Variants in MAMLD1 observed in about 807,000 individuals in gnomAD.
MAMLD1 encodes the protein mastermind-like domain-containing protein 1.
In MAMLD1, 14 loss-of-function variants were observed where a neutral mutation model predicts 45.0. That is an observed-to-expected ratio of 0.31 (90% CI 0.21 to 0.49). The LOEUF (loss-of-function observed/expected upper bound fraction) is 0.49, where lower values mean the gene tolerates loss of function less well. MAMLD1 is among the 20% of genes least tolerant of loss of function. The pLI, the probability that MAMLD1 is intolerant of heterozygous loss-of-function variation, is 0.99. For missense variants in MAMLD1, 543 were observed against 603.6 expected (o/e 0.90, Z 1.05); for synonymous variants, 254 against 247.8 (o/e 1.02, Z -0.24).
intron 3 of MAMLD1, among the ~76,000 whole-genome samples, chrX:150,464,879 T>C (rs1342920997): frequency 8.9e-6 from 1 of 112,024 alleles, no homozygotes; most frequent in African/African-American, 3.2e-5. Flanking sequence ...TCATGGAGTA[T>C]GGATGTAAGG....
chrX:150,492,565 C>A (rs2037220254), intron 5 of MAMLD1, among the ~76,000 whole-genome samples: 1 of 111,761 alleles, frequency 8.9e-6, no homozygotes, highest in Non-Finnish European at 1.9e-5. Context: ...AACAAGGTGC[C>A]CTGGACTGAA....
chrX:150,445,481 C>G lies in MAMLD1; in HGVS notation c.-36C>G. On this transcript the variant is annotated 5_prime_UTR_variant, in exon 2 of 8. Coordinates refer to ENST00000370401, the MANE Select transcript of MAMLD1 (RefSeq NM_005491.5). ...CTGTGTCTAGGTCGTTTGGGAAACG[C>G]CTTGGAGAGTCAAGAATAAATTTGC... 9.1e-7 allele frequency: 1 copy of G among 1,103,506 alleles called. No homozygotes were observed. Among genetic ancestry groups the G allele is most frequent in the Non-Finnish European group, 1.3e-6 (1 of 797,402 alleles). 90.9% of individuals were successfully genotyped at this position (1,103,506 alleles called of 1,213,427 possible).
intron 3 of MAMLD1, among the ~76,000 whole-genome samples, chrX:150,464,972 C>A (rs1243901851): frequency 8.9e-6 from 1 of 112,390 alleles, no homozygotes; most frequent in African/African-American, 3.2e-5. Flanking sequence ...ACTAAATAAA[C>A]CACAGGCGAT....
Position 150,513,321 on chromosome X carries a change from G to C in MAMLD1, c.*1362G>C, listed in dbSNP as rs1190891755. ...TATTTATACTTCATTTTGTGACTTTGTAAATAAAGCGACGGCTTTTGTTTC... is the reference window on the plus strand; with the variant it reads ...TATTTATACTTCATTTTGTGACTTTCTAAATAAAGCGACGGCTTTTGTTTC... On this transcript the variant is annotated 3_prime_UTR_variant, in exon 8 of 8. Transcript: ENST00000370401. 5.4e-6 allele frequency: 2 copies of C among 367,915 alleles called. No homozygotes were observed. The highest frequency in any genetic ancestry group is 9.3e-6 in the Non-Finnish European group (2 of 215,462). The allele number at this position is 367,915 out of a possible 1,213,427, so 30.3% of individuals were successfully genotyped here.
At chrX:150,404,900 C>T (rs911536407) in intron 1 of MAMLD1, among the ~76,000 whole-genome samples, 1 of 111,467 alleles carries the variant, frequency 9.0e-6, no homozygotes, top group African/African-American at 3.3e-5. Context: ...TGAATTATAC[C>T]ACAATTTATT....
chrX:150,379,931 A>G (rs191238008), intron 1 of MAMLD1, among the ~76,000 whole-genome samples: 259 of 112,304 alleles, frequency 2.3e-3, no homozygotes, highest in Non-Finnish European at 3.7e-3. Flanking sequence ...CCAACCTCCT[A>G]TGTGTAGCCA....
chrX:150,421,361 G>A (rs1251963039), intron 1 of MAMLD1, among the ~76,000 whole-genome samples: 2 of 112,517 alleles, frequency 1.8e-5, no homozygotes, highest in African/African-American at 6.5e-5. Flanking sequence ...GATGAACCCG[G>A]TACCTCAGAT....
At chrX:150,467,457 T>A (rs1396850381) in intron 3 of MAMLD1, among the ~76,000 whole-genome samples, 1 of 112,179 alleles carries the variant, frequency 8.9e-6, no homozygotes, top group East Asian at 2.8e-4. Context: ...TGGGCACTGA[T>A]GACTGCATGG....
chrX:150,512,172 C>T lies in MAMLD1; in HGVS notation c.*213C>T, dbSNP rs910731734. 1.9e-5 allele frequency: 22 copies of T among 1,144,248 alleles called. No individual in the cohort carries two copies. The highest frequency in any genetic ancestry group is 2.5e-5 in the Non-Finnish European group (22 of 866,498). The allele number at this position is 1,144,248 out of a possible 1,213,427, so 94.3% of individuals were successfully genotyped here. A position where few individuals can be genotyped will look rare whatever the true frequency, so the allele number is the denominator to read the frequency against. On this transcript the variant is annotated 3_prime_UTR_variant, in exon 8 of 8. Transcript: ENST00000370401. ...GAGGGCATGGGAGTGATCTCACCAACTCTGGGGAAGCGGCAAGGAATTTTC... is the reference window on the plus strand; with the variant it reads ...GAGGGCATGGGAGTGATCTCACCAATTCTGGGGAAGCGGCAAGGAATTTTC...
intron 5 of MAMLD1, among the ~76,000 whole-genome samples, chrX:150,502,818 G>A (rs1307455252): frequency 1.8e-5 from 2 of 110,189 alleles, no homozygotes; most frequent in Admixed American, 9.6e-5. Flanking sequence ...CCATTGTGGG[G>A]GGTGGTCACT....
In MAMLD1 at chrX:150,494,171, G is replaced by T. The variant is rs1053546567; in HGVS notation, c.2041-9103G>T. Among the ~76,000 whole-genome samples, 3 of 109,527 alleles carry T rather than the reference G, an allele frequency of 2.7e-5. No individual in the cohort carries two copies. In the East Asian group the frequency reaches 8.8e-4, roughly 32 times the overall value. Reference sequence around the variant, plus strand: ...AGCACTTTGGGAGGCCAAGGAGGGCGGATCACGAGATCAGAAGTTCGAGAC... The same window carrying T: ...AGCACTTTGGGAGGCCAAGGAGGGCTGATCACGAGATCAGAAGTTCGAGAC... On this transcript the variant is annotated intron_variant, in intron 5 of 7. Coordinates refer to ENST00000370401, the MANE Select transcript of MAMLD1 (RefSeq NM_005491.5).
At chrX:150,447,081 T>G (rs2035513948) in intron 2 of MAMLD1, among the ~76,000 whole-genome samples, 1 of 112,476 alleles carries the variant, frequency 8.9e-6, no homozygotes, top group African/African-American at 3.2e-5. Flanking sequence ...CAGTGGGGGT[T>G]GTCCTTAGAA....
chrX:150,370,693 C>G (rs938705739), intron 1 of MAMLD1, among the ~76,000 whole-genome samples: 1 of 111,843 alleles, frequency 8.9e-6, no homozygotes, highest in African/African-American at 3.3e-5. Flanking sequence ...TGCCTCCACC[C>G]CCCCAGCTCT....
At chrX:150,382,901 A>ATTTT (rs1477501446) in intron 1 of MAMLD1, among the ~76,000 whole-genome samples, 3 of 40,117 alleles carry the variant, frequency 7.5e-5, no homozygotes, top group Admixed American at 2.6e-4. Flanking sequence ...TTTTTTTTTT[A>ATTTT]TTTTTTATTT....
intron 1 of MAMLD1, among the ~76,000 whole-genome samples, chrX:150,397,280 T>C (rs1408103507): frequency 8.9e-6 from 1 of 111,953 alleles, no homozygotes; most frequent in Non-Finnish European, 1.9e-5. Context: ...ATTTTAAAAA[T>C]TGAGATTTCA....
At chrX:150,408,058 T>G (rs1159023945) in intron 1 of MAMLD1, among the ~76,000 whole-genome samples, 1 of 111,517 alleles carries the variant, frequency 9.0e-6, no homozygotes, top group African/African-American at 3.3e-5. Context: ...AAGCCAACTG[T>G]TATGTTTTCA....
intron 1 of MAMLD1, among the ~76,000 whole-genome samples, chrX:150,393,931 T>C (rs915459028): frequency 1.9e-4 from 21 of 111,079 alleles, no homozygotes; most frequent in African/African-American, 5.9e-4. Context: ...TCCATTTTAA[T>C]GAAGTCCAGG....
intron 1 of MAMLD1, among the ~76,000 whole-genome samples, chrX:150,406,846 GCTT>G (rs1370575719): frequency 9.0e-6 from 1 of 111,321 alleles, no homozygotes; most frequent in Non-Finnish European, 1.9e-5. Context: ...ATCTCTGAAA[GCTT>G]CTTCTCAGCC....
In MAMLD1 at chrX:150,462,638, A is replaced by G. The variant is rs910855333; in HGVS notation, c.97-134A>G. ...TCAAGTAATCCCCTATTTAAATGTC[A>G]TAGATATATTTGGGGAGGCTCATAA... On this transcript the variant is annotated intron_variant, in intron 2 of 7. Coordinates refer to ENST00000370401, the MANE Select transcript of MAMLD1 (RefSeq NM_005491.5). The G allele has an allele frequency of 3.7e-5, 20 of 539,194 alleles. No individual in the cohort carries two copies. The Admixed American group carries it at 5.0e-4, about 13-fold the overall frequency. 44.4% of individuals were successfully genotyped at this position (539,194 alleles called of 1,213,427 possible).
Sources: gnomAD v4.1 joint callset for allele counts (sites outside exome capture counted in the v4.1 genomes callset) on GRCh38, gnomAD v4.1.1 for gene constraint, MANE v1.5 for transcripts, NCBI Gene and HGNC (gene_info 2026-07-23, HGNC 2026-07-21) for gene names.